DPP10: variants seen among roughly 807,000 people sequenced by gnomAD.
DPP10 encodes inactive dipeptidyl peptidase 10.
In DPP10, 33 loss-of-function variants were observed where a neutral mutation model predicts 120.9. The observed-to-expected ratio is 0.27, with a 90% CI of 0.21 to 0.37. DPP10 has a LOEUF of 0.37. DPP10 is among the 10% of genes least tolerant of loss of function. The pLI, the probability that DPP10 is intolerant of heterozygous loss-of-function variation, is 1.00. For missense variants in DPP10, 816 were observed against 942.8 expected, an observed-to-expected ratio of 0.87 and a Z score of 1.76; for synonymous variants, 337 against 326.1, an observed-to-expected ratio of 1.03 and a Z score of -0.36.
At chr2:115,272,907 C>T (rs1393620813) in intron 1 of DPP10, among the ~76,000 whole-genome samples, 2 of 152,184 alleles carry the variant, frequency 1.3e-5, no homozygotes, top group African/African-American at 4.8e-5. Flanking sequence ...ATGAAAAACG[C>T]TTCATAATCC....
At chr2:114,973,458 G>A (rs960282354) in intron 1 of DPP10, among the ~76,000 whole-genome samples, 1 of 151,644 alleles carries the variant, frequency 6.6e-6, no homozygotes, top group Non-Finnish European at 1.5e-5. Context: ...TCAGGAGATC[G>A]AGACCATCCT....
intron 19 of DPP10, among the ~76,000 whole-genome samples, chr2:115,794,922 C>A (rs1057074016): frequency 1.1e-4 from 17 of 152,080 alleles, no homozygotes; most frequent in African/African-American, 4.1e-4. Flanking sequence ...ATATGAGAAG[C>A]CGTGTTAATG....
At chr2:115,279,299 A>C (rs1230042629) in intron 1 of DPP10, among the ~76,000 whole-genome samples, 1 of 152,170 alleles carries the variant, frequency 6.6e-6, no homozygotes, top group Non-Finnish European at 1.5e-5. Flanking sequence ...AACATTTTCA[A>C]ATTTTAGAAA....
chr2:115,805,969 G>A (rs997428222), intron 19 of DPP10, among the ~76,000 whole-genome samples: 1 of 152,116 alleles, frequency 6.6e-6, no homozygotes, highest in Non-Finnish European at 1.5e-5. Flanking sequence ...GAGAACCCTT[G>A]AGGGACAGAA....
chr2:115,616,277 A>G (rs1004989687), intron 5 of DPP10, among the ~76,000 whole-genome samples: 2 of 152,218 alleles, frequency 1.3e-5, no homozygotes, highest in East Asian at 1.9e-4. Flanking sequence ...ATTTATATGT[A>G]TATTATCTCA....
At chr2:114,685,020 G>C (rs560366387) in intron 1 of DPP10, among the ~76,000 whole-genome samples, 3 of 152,046 alleles carry the variant, frequency 2.0e-5, no homozygotes, top group African/African-American at 7.2e-5. Context: ...TGAGTCAAAA[G>C]GACATATTTT....
intron 1 of DPP10, among the ~76,000 whole-genome samples, chr2:114,574,648 G>A (rs891211015): frequency 6.6e-6 from 1 of 152,156 alleles, no homozygotes; most frequent in Non-Finnish European, 1.5e-5. Context: ...GTCTCCATAA[G>A]ATAAAGACAA....
intron 7 of DPP10, among the ~76,000 whole-genome samples, chr2:115,723,049 T>A (rs2092684646): frequency 6.6e-6 from 1 of 152,160 alleles, no homozygotes; most frequent in Admixed American, 6.6e-5. Flanking sequence ...GGTTTCTGAC[T>A]GGTAGAGCTC....
chr2:115,241,553 G>A (rs1291026947), intron 1 of DPP10, among the ~76,000 whole-genome samples: 1 of 152,116 alleles, frequency 6.6e-6, no homozygotes, highest in Non-Finnish European at 1.5e-5. Context: ...ATCAGTAATA[G>A]CATATTGCTC....
intron 3 of DPP10, among the ~76,000 whole-genome samples, chr2:115,411,949 T>C (rs992124741): frequency 2.2e-4 from 34 of 152,306 alleles, no homozygotes; most frequent in African/African-American, 7.9e-4. Context: ...TCATTTTCCA[T>C]CTGGTGTTTA....
chr2:114,832,834 A>G (rs1045315126), intron 1 of DPP10, among the ~76,000 whole-genome samples: 34 of 152,248 alleles, frequency 2.2e-4, no homozygotes, highest in African/African-American at 7.0e-4. Context: ...ACATGAGTCA[A>G]GTCTACCTAA....
At chr2:114,620,909 AT>A (rs1163981036) in intron 1 of DPP10, among the ~76,000 whole-genome samples, 5 of 152,064 alleles carry the variant, frequency 3.3e-5, no homozygotes, top group Non-Finnish European at 7.4e-5. Context: ...CATTCATCGA[AT>A]CTGGTGGAAT....
chr2:114,500,210 A>T (rs1429101329), intron 1 of DPP10, among the ~76,000 whole-genome samples: 1 of 152,214 alleles, frequency 6.6e-6, no homozygotes, highest in Non-Finnish European at 1.5e-5. Flanking sequence ...TAGCCATTTA[A>T]CATGGATTGA....
rs778566093 is a variant in DPP10, at chr2:115,396,274, A to G, written c.271+52362A>G. Among the ~76,000 whole-genome samples, 8 of 152,314 alleles carry G rather than the reference A, an allele frequency of 5.3e-5. No individual in the cohort carries two copies. The South Asian group carries it at 1.7e-3, about 32-fold the overall frequency. On this transcript the variant is annotated intron_variant, in intron 3 of 25. Transcript: ENST00000410059. ...ATTTTACCCAGTACAGAACTTTTTT[A>G]GAAATCAAGGTTATACAAGCAACTG...
At chr2:114,695,108 A>G (rs1699992822) in intron 1 of DPP10, among the ~76,000 whole-genome samples, 1 of 152,058 alleles carries the variant, frequency 6.6e-6, no homozygotes, top group Non-Finnish European at 1.5e-5. Context: ...ATATACTCAC[A>G]ATTTTATTTC....
At chr2:115,005,059 C>A (rs1050960112) in intron 1 of DPP10, among the ~76,000 whole-genome samples, 2 of 151,952 alleles carry the variant, frequency 1.3e-5, no homozygotes, top group African/African-American at 2.4e-5. Context: ...GGTCCCTGAC[C>A]CCTGACCCCC....
intron 1 of DPP10, among the ~76,000 whole-genome samples, chr2:114,579,069 T>C (rs1354339473): frequency 6.6e-6 from 1 of 152,198 alleles, no homozygotes; most frequent in African/African-American, 2.4e-5. Flanking sequence ...CCAGAATTTA[T>C]TGAGCACCCA....
At chr2:114,692,711 T>A (rs760692392) in intron 1 of DPP10, among the ~76,000 whole-genome samples, 20 of 152,104 alleles carry the variant, frequency 1.3e-4, no homozygotes, top group Non-Finnish European at 1.9e-4. Context: ...TGTGTGGGAG[T>A]CTAAGTCTCT....
chr2:114,574,174 A>G (rs987438612), intron 1 of DPP10, among the ~76,000 whole-genome samples: 6 of 152,276 alleles, frequency 3.9e-5, no homozygotes, highest in Admixed American at 3.9e-4. Context: ...TTACCACTTT[A>G]TATTACCCGC....
Sources: gnomAD v4.1 joint callset for allele counts (sites outside exome capture counted in the v4.1 genomes callset) on GRCh38, gnomAD v4.1.1 for gene constraint, MANE v1.5 for transcripts, NCBI Gene and HGNC (gene_info 2026-07-23, HGNC 2026-07-21) for gene names.